Variants in WDR44 observed in about 807,000 individuals in gnomAD.
WDR44 encodes the protein WD repeat-containing protein 44.
Under a neutral mutation model 65.7 loss-of-function variants are expected in WDR44, and 9 were observed. That is an observed-to-expected ratio of 0.14 (90% CI 0.08 to 0.24). The LOEUF is 0.24. WDR44 is among the 10% of genes least tolerant of loss of function. WDR44 has a pLI of 1.00. For missense variants in WDR44, 425 were observed against 670.9 expected, an observed-to-expected ratio of 0.63 and a Z score of 4.05; for synonymous variants, 220 against 235.2, an observed-to-expected ratio of 0.94 and a Z score of 0.59.
intron 17 of WDR44, 22 bp from the exon 18 acceptor site, chrX:118,443,538 T>G (rs749233842): frequency 3.3e-6 from 4 of 1,204,898 alleles, no homozygotes. Context: ...TTATTTGCTT[T>G]TCCTTTCTCC....
At chrX:118,431,422 GC>G (rs2057209838) in intron 12 of WDR44, among the ~76,000 whole-genome samples, 2 of 111,871 alleles carry the variant, frequency 1.8e-5, no homozygotes, top group South Asian at 7.5e-4. Context: ...TCCTGCCTTA[GC>G]CTCCCAAGTA....
intron 1 of WDR44, among the ~76,000 whole-genome samples, chrX:118,357,958 G>C (rs751612485): frequency 1.8e-5 from 2 of 111,098 alleles, no homozygotes; most frequent in East Asian, 5.7e-4. Flanking sequence ...CAGATCATGA[G>C]GTCAGGAGAT....
chrX:118,412,746 AGGT>A (rs2147723236), intron 12 of WDR44, among the ~76,000 whole-genome samples: 1 of 111,312 alleles, frequency 9.0e-6, no homozygotes, highest in South Asian at 3.8e-4. Context: ...ATTGGGGTAC[AGGT>A]GGTATTTGGT....
chrX:118,428,134 A>G (rs1338334634), intron 12 of WDR44, among the ~76,000 whole-genome samples: 1 of 109,692 alleles, frequency 9.1e-6, no homozygotes, highest in Non-Finnish European at 1.9e-5. Context: ...CTAAAAATAC[A>G]AAAAGTAGCC....
intron 1 of WDR44, among the ~76,000 whole-genome samples, chrX:118,361,077 T>A (rs1056266165): frequency 2.7e-5 from 3 of 112,073 alleles, no homozygotes; most frequent in African/African-American, 9.7e-5. Context: ...TTAGTCAATT[T>A]TTTTCTGTAT....
intron 14 of WDR44, 22 bp downstream of exon 14, chrX:118,436,846 T>C (rs768736792): frequency 8.7e-7 from 1 of 1,148,318 alleles, no homozygotes; most frequent in South Asian, 2.2e-5. Flanking sequence ...TTTATACATG[T>C]TTTTGTTAAC....
At chrX:118,436,568 C>T (rs2057256888) in intron 13 of WDR44, 134 bp from the exon 14 acceptor site, 2 of 736,745 alleles carry the variant, frequency 2.7e-6, no homozygotes, top group Admixed American at 2.3e-5. Flanking sequence ...ATTTGATAAT[C>T]TTTTGTTCTT....
intron 1 of WDR44, among the ~76,000 whole-genome samples, chrX:118,359,679 A>G (rs894320114): frequency 8.9e-6 from 1 of 112,404 alleles, no homozygotes; most frequent in Admixed American, 9.4e-5. Flanking sequence ...TTCAAAAAAC[A>G]TAGGGCCATT....
At chrX:118,415,815 GT>G (rs955045218) in intron 12 of WDR44, among the ~76,000 whole-genome samples, 1 of 111,270 alleles carries the variant, frequency 9.0e-6, no homozygotes, top group Non-Finnish European at 1.9e-5. Context: ...GTCCTGGACT[GT>G]TTTTTTTGTT....
intron 7 of WDR44, 83 bp downstream of exon 7, chrX:118,397,189 A>G: frequency 1.1e-6 from 1 of 913,762 alleles, no homozygotes; most frequent in South Asian, 3.9e-5. Flanking sequence ...GACAACCCCT[A>G]ATTTGGTTTC....
At chrX:118,394,898 G>A (rs2147704664) in intron 5 of WDR44, among the ~76,000 whole-genome samples, 1 of 112,165 alleles carries the variant, frequency 8.9e-6, no homozygotes, top group African/African-American at 3.2e-5. Context: ...AATATTTACT[G>A]TATGGCTCTT....
intron 8 of WDR44, among the ~76,000 whole-genome samples, chrX:118,398,700 G>A (rs1245326812): frequency 1.8e-5 from 2 of 112,091 alleles, no homozygotes; most frequent in Admixed American, 9.5e-5. Flanking sequence ...GCCAAGGCAG[G>A]CAGATCTCCT....
chrX:118,446,398 T>C (rs1766347948), intron 19 of WDR44, among the ~76,000 whole-genome samples: 1 of 111,426 alleles, frequency 9.0e-6, no homozygotes, highest in African/African-American at 3.3e-5. Context: ...CCGGGCAACA[T>C]AGAAGGACAC....
intron 1 of WDR44, among the ~76,000 whole-genome samples, chrX:118,355,243 A>C (rs2056448866): frequency 8.9e-6 from 1 of 111,932 alleles, no homozygotes; most frequent in Admixed American, 9.5e-5. Flanking sequence ...TAGCATAGTC[A>C]ATGTCATTAG....
At chrX:118,424,265 T>TTATA (rs368098490) in intron 12 of WDR44, among the ~76,000 whole-genome samples, 863 of 77,189 alleles carry the variant, frequency 0.011, 16 homozygotes, top group African/African-American at 0.051. Flanking sequence ...ACTTGTTATC[T>TTATA]TATATATATA....
intron 1 of WDR44, among the ~76,000 whole-genome samples, chrX:118,363,401 CA>C (rs58108879): frequency 0.17 from 5,980 of 35,340 alleles, 534 homozygotes; most frequent in African/African-American, 0.41. Context: ...AACTCCGTCT[CA>C]AAAAAAAAAA....
intron 2 of WDR44, among the ~76,000 whole-genome samples, chrX:118,383,878 C>CTTT (rs549809406): frequency 3.4e-4 from 24 of 69,806 alleles, no homozygotes; most frequent in Admixed American, 1.3e-3. Context: ...TTTTTAATTT[C>CTTT]TTTTTTTTTT....
intron 2 of WDR44, 101 bp from the exon 3 acceptor site, chrX:118,387,239 G>T (rs1602904788): frequency 2.6e-4 from 84 of 327,613 alleles, no homozygotes; most frequent in East Asian, 3.9e-4. Flanking sequence ...AAGGGCCTTT[G>T]ATTTATTAAT....
rs764695148 is a variant in WDR44 at position 118,398,399 on chromosome X, A to T, written c.1203A>T (p.Ala401=). 3 of 1,210,216 alleles carry T rather than the reference A, an allele frequency of 2.5e-6. No individual in the cohort carries two copies. In the South Asian group the frequency reaches 5.3e-5, roughly 21 times the overall value. The change falls in exon 8 of 20, where the codon GCA becomes GCT. Residue 401 remains alanine, a synonymous_variant. Coordinates refer to ENST00000254029, the MANE Select transcript of WDR44 (RefSeq NM_019045.5). ...RTKEYVSNDA[A]QSDDEEKLQS... is the part of the protein sequence containing the mutation. ...CCCCTTCTTACAGTAATGACGCGGCACAGTCAGATGATGAAGAGAAGTTAC... is the reference window on the plus strand; with the variant it reads ...CCCCTTCTTACAGTAATGACGCGGCTCAGTCAGATGATGAAGAGAAGTTAC...
Sources: allele counts gnomAD v4.1 joint callset (sites outside exome capture counted in the v4.1 genomes callset), GRCh38; gene constraint gnomAD v4.1.1; transcripts MANE v1.5; gene names NCBI Gene and HGNC (gene_info 2026-07-23, HGNC 2026-07-21).